The following PCDHGA3 variants were observed in gnomAD, a reference collection of about 807,000 sequenced individuals.
The protein encoded by PCDHGA3 is protocadherin gamma-A3.
Under a neutral mutation model 58.5 loss-of-function variants are expected in PCDHGA3, and 40 were observed. That is an observed-to-expected ratio of 0.68 (90% CI 0.53 to 0.89). The LOEUF (loss-of-function observed/expected upper bound fraction) is 0.89. PCDHGA3 is among the 40% of genes least tolerant of loss of function. The pLI, the probability that PCDHGA3 is intolerant of heterozygous loss-of-function variation, is 0.00. For synonymous variants in PCDHGA3, 530 were observed against 525.7 expected (o/e 1.01, Z -0.11); for missense variants, 1,223 against 1,195.9 (o/e 1.02, Z -0.33).
rs769187557 is a variant in PCDHGA3, at chr5:141,433,087, A to C, written c.2425-61720A>C. 2.5e-6 allele frequency: 4 copies of C among 1,614,206 alleles called. No homozygotes were observed. In the Admixed American group the frequency reaches 6.7e-5, roughly 27 times the overall value. On this transcript the variant is annotated intron_variant, in intron 1 of 3. Transcript: ENST00000253812. The stretch of plus-strand genomic sequence containing the variant: ...TGATCTTCCCCCAGCCCAACTATGC[A>C]GACATGCTCGTCAGCCAGGAGAGCT...
intron 1 of PCDHGA3, chr5:141,366,742 G>C: frequency 6.2e-7 from 1 of 1,611,864 alleles, no homozygotes; most frequent in Non-Finnish European, 8.5e-7. Flanking sequence ...AAGAAGAACG[G>C]CGAGTTCAGG....
At chr5:141,455,186 C>T (rs1436215310) in intron 1 of PCDHGA3, among the ~76,000 whole-genome samples, 3 of 151,542 alleles carry the variant, frequency 2.0e-5, no homozygotes, top group Non-Finnish European at 2.9e-5. Context: ...TTTTATTTCT[C>T]TACAAATTTA....
intron 1 of PCDHGA3, chr5:141,361,956 C>T: frequency 1.9e-6 from 3 of 1,603,312 alleles, no homozygotes; most frequent in Non-Finnish European, 1.7e-6. Flanking sequence ...TGTCCTACCA[C>T]GTGCTGCAGG....
chr5:141,357,743 A>G (rs1760722694), intron 1 of PCDHGA3: 1 of 1,230,492 alleles, frequency 8.1e-7, no homozygotes. Context: ...TTATTGCTTT[A>G]AAGAAAACTG....
intron 1 of PCDHGA3, chr5:141,374,640 C>G: frequency 6.2e-7 from 1 of 1,612,778 alleles, no homozygotes; most frequent in African/African-American, 1.3e-5. Flanking sequence ...CAAAGCGAAG[C>G]CCATGGGCCC....
chr5:141,460,214 G>C (rs925628892), intron 1 of PCDHGA3, among the ~76,000 whole-genome samples: 1 of 151,896 alleles, frequency 6.6e-6, no homozygotes, highest in South Asian at 2.1e-4. Flanking sequence ...CATTTTCTTA[G>C]TTGTGTCTTT....
Position 141,489,764 on chromosome 5 carries a change from A to G in PCDHGA3, c.2425-5043A>G. ...GTGAGCTTTTACACTCTAAGCCCCA[A>G]CAGCCACTTCTCTCTGAATGTGAAG... is the stretch of plus-strand genomic sequence containing the variant. On this transcript the variant is annotated intron_variant, in intron 1 of 3. Transcript: ENST00000253812. The surrounding 1 kb of genome is among the most constrained non-coding windows in gnomAD (Gnocchi z 4.5). 2 of 1,613,556 alleles carry G rather than the reference A, an allele frequency of 1.2e-6. No homozygotes were observed. The highest frequency in any genetic ancestry group is 1.7e-6 in the Non-Finnish European group (2 of 1,179,894).
intron 1 of PCDHGA3, among the ~76,000 whole-genome samples, chr5:141,444,476 C>A (rs1228271706): frequency 6.6e-6 from 1 of 152,088 alleles, no homozygotes; most frequent in Non-Finnish European, 1.5e-5. Flanking sequence ...CGGTCGCGTA[C>A]TGGATTTATA....
At chr5:141,395,547 TGTGTGTG>T (rs1561655273) in intron 1 of PCDHGA3, 9,050 of 174,290 alleles carry the variant, frequency 0.052, 489 homozygotes, top group Middle Eastern at 0.08. Context: ...ATTGTTTGTG[TGTGTGTG>T]TGTGTGTGTG....
chr5:141,400,863 T>G (rs370697957), intron 1 of PCDHGA3, among the ~76,000 whole-genome samples: 1 of 152,250 alleles, frequency 6.6e-6, no homozygotes. Context: ...TGTATGTAGA[T>G]AAACCATTAA....
Position 141,506,556 on chromosome 5 carries a change from AC to A in PCDHGA3, c.2572+1080del, listed in dbSNP as rs560503002. Among the ~76,000 whole-genome samples the A allele has an allele frequency of 4.0e-4, 60 of 151,718 alleles. 1 individual carries two copies. In the East Asian group the frequency reaches 0.011, roughly 28 times the overall value. ...AATGAGTCCTTAGGTAAGTTATTAA[AC>A]CCCCTCGGTTTCACTTACTATTAAT... On this transcript the variant is annotated intron_variant, in intron 3 of 3. Coordinates refer to ENST00000253812, the MANE Select transcript of PCDHGA3 (RefSeq NM_018916.4).
chr5:141,376,010 G>A (rs1479116283), intron 1 of PCDHGA3: 4 of 1,613,424 alleles, frequency 2.5e-6, no homozygotes, highest in Middle Eastern at 1.7e-4. Flanking sequence ...GCAGAGCCTA[G>A]TGGTGGCCGT....
intron 1 of PCDHGA3, among the ~76,000 whole-genome samples, chr5:141,402,771 G>A (rs2094306356): frequency 6.6e-6 from 1 of 152,218 alleles, no homozygotes; most frequent in African/African-American, 2.4e-5. Context: ...ACTCCATCCG[G>A]ATTTCCAGTT....
chr5:141,399,608 C>T (rs767025311), intron 1 of PCDHGA3: 3 of 1,613,962 alleles, frequency 1.9e-6, no homozygotes, highest in Non-Finnish European at 2.5e-6. Flanking sequence ...GACCTAGAGC[C>T]TCTGGCACTG....
In PCDHGA3 at chr5:141,482,773, C is replaced by A. The variant is rs2009076; in HGVS notation, c.2425-12034C>A. ...ATTATGGTATTTCATTATCACTGAA[C>A]CTTAAACTGTGTGTGTGGCCGGGTA... On this transcript the variant is annotated intron_variant, in intron 1 of 3. Coordinates refer to ENST00000253812, the MANE Select transcript of PCDHGA3 (RefSeq NM_018916.4). 9.1e-3 allele frequency among the ~76,000 whole-genome samples: 1,158 copies of A among 127,768 alleles called. 29 individuals carry two copies. Among genetic ancestry groups the A allele is most frequent in the Middle Eastern group, 0.013 (3 of 228 alleles). 83.8% of individuals were successfully genotyped at this position (127,768 alleles called of 152,430 possible). A position where few individuals can be genotyped will look rare whatever the true frequency, so the allele number is the denominator to read the frequency against.
At chr5:141,478,567 C>T (rs371741874) in intron 1 of PCDHGA3, 20 of 1,593,698 alleles carry the variant, frequency 1.3e-5, no homozygotes, top group Non-Finnish European at 1.7e-5. Flanking sequence ...GCAAGTCATG[C>T]TTGACCCTGT....
At chr5:141,352,554 A>G (rs183312809) in intron 1 of PCDHGA3, 3 of 1,613,804 alleles carry the variant, frequency 1.9e-6, no homozygotes, top group South Asian at 2.2e-5. Flanking sequence ...AATTCTCTCA[A>G]CCTGACACCG....
At position 141,476,002 on chromosome 5, in the gene PCDHGA3, C is replaced by A; in HGVS notation, c.2425-18805C>A. 1 of 1,247,396 alleles carries A rather than the reference C, an allele frequency of 8.0e-7. No individual in the cohort carries two copies. Among genetic ancestry groups the A allele is most frequent in the Non-Finnish European group, 1.1e-6 (1 of 904,880 alleles). 77.3% of individuals were successfully genotyped at this position (1,247,396 alleles called of 1,614,324 possible). ...AGCCGGCGAGCAAATCAACGGCATC[C>A]AGAAAGCCATGTCGGACTCGGCGCC... On this transcript the variant is annotated intron_variant, in intron 1 of 3. Transcript: ENST00000253812. This position sits in a 1 kb window ranked among gnomAD's most constrained non-coding sequence, Gnocchi z 7.6.
At chr5:141,355,104 G>C (rs1304970044) in intron 1 of PCDHGA3, 1 of 1,504,756 alleles carries the variant, frequency 6.6e-7, no homozygotes, top group African/African-American at 1.4e-5. Flanking sequence ...AGCTCTGGCT[G>C]TGAATGCACT....
Sources: gnomAD v4.1 joint callset for allele counts (sites outside exome capture counted in the v4.1 genomes callset) on GRCh38, gnomAD v4.1.1 for gene constraint, Gnocchi (gnomAD v3.1) non-coding constraint, MANE v1.5 for transcripts, NCBI Gene and HGNC (gene_info 2026-07-23, HGNC 2026-07-21) for gene names.